NCK1: variants seen among roughly 807,000 people sequenced by gnomAD.
NCK1 encodes SH2/SH3 adapter protein NCK1.
In NCK1, 19 loss-of-function variants were observed where a neutral mutation model predicts 36.6. That is an observed-to-expected ratio of 0.52 (90% CI 0.36 to 0.76). NCK1 has a LOEUF of 0.76. NCK1 is among the 30% of genes least tolerant of loss of function. The pLI is 0.00. For missense variants in NCK1, 358 were observed against 445.6 expected, an observed-to-expected ratio of 0.80 and a Z score of 1.77; for synonymous variants, 165 against 156.0, an observed-to-expected ratio of 1.06 and a Z score of -0.43.
chr3:136,941,446 T>C (rs1440204731), intron 2 of NCK1, among the ~76,000 whole-genome samples: 2 of 152,156 alleles, frequency 1.3e-5, no homozygotes, highest in African/African-American at 4.8e-5. Context: ...CTCTAATATA[T>C]TGTTTTATTA....
At chr3:136,866,410 C>T (rs1016879559) in intron 1 of NCK1, among the ~76,000 whole-genome samples, 6 of 151,038 alleles carry the variant, frequency 4.0e-5, no homozygotes, top group Admixed American at 3.3e-4. Flanking sequence ...CGGGTTCAAG[C>T]GATTCTCCTA....
chr3:136,890,348 T>A (rs1939207668), intron 1 of NCK1, among the ~76,000 whole-genome samples: 1 of 151,950 alleles, frequency 6.6e-6, no homozygotes, highest in South Asian at 2.1e-4. Context: ...CCCGCCAGCG[T>A]TGCACGCAGC....
At chr3:136,930,444 C>G in intron 2 of NCK1, 2 of 1,242,590 alleles carry the variant, frequency 1.6e-6, no homozygotes, top group South Asian at 7.3e-5. Flanking sequence ...GGGTGTGGGC[C>G]AGGTCACATG....
rs760172881 is a variant in NCK1, at chr3:136,928,160, T to C, written c.159T>C (p.Ser53=). 6.2e-7 allele frequency: 1 copy of C among 1,614,224 alleles called. No homozygotes were observed. Among genetic ancestry groups the C allele is most frequent in the Non-Finnish European group, 8.5e-7 (1 of 1,180,042 alleles). ...TGAATAAAACAGGTTTTGTGCCTTC[T>C]AACTATGTGGAAAGGAAAAACAGTG... ...NSMNKTGFVP[S]NYVERKNSAR... is the part of the protein sequence containing the mutation. Residue 53 remains serine (S), a synonymous_variant, in exon 2 of 4, where the codon TCT becomes TCC. Coordinates refer to ENST00000481752, the MANE Select transcript of NCK1 (RefSeq NM_001291999.2).
At chr3:136,891,020 G>A (rs1560037411) in intron 1 of NCK1, among the ~76,000 whole-genome samples, 1 of 152,230 alleles carries the variant, frequency 6.6e-6, no homozygotes, top group Non-Finnish European at 1.5e-5. Flanking sequence ...ATTTCACTGA[G>A]TATAGTGTCT....
chr3:136,879,177 G>C (rs1938861191), intron 1 of NCK1, among the ~76,000 whole-genome samples: 2 of 150,292 alleles, frequency 1.3e-5, no homozygotes, highest in African/African-American at 4.9e-5. Context: ...GTTGAAGTTA[G>C]AGTAAAGGAG....
At chr3:136,899,703 A>C (rs894878598) in intron 1 of NCK1, 2 of 788,344 alleles carry the variant, frequency 2.5e-6, no homozygotes, top group Admixed American at 3.5e-5. Context: ...GCAATTAGAG[A>C]TACGAGGAGA....
chr3:136,947,249 T>A (rs1940854265), intron 3 of NCK1, among the ~76,000 whole-genome samples: 2 of 152,070 alleles, frequency 1.3e-5, no homozygotes, highest in African/African-American at 4.8e-5. Flanking sequence ...TTCTGTTAGT[T>A]GCCTGATCTG....
chr3:136,889,774 T>C (rs1200246630), intron 1 of NCK1, among the ~76,000 whole-genome samples: 3 of 152,166 alleles, frequency 2.0e-5, no homozygotes. Flanking sequence ...CTACGGAGTG[T>C]CGATTGGTGC....
chr3:136,950,084 A>G lies in NCK1; in HGVS notation c.*1631A>G, dbSNP rs1012956534. Among the ~76,000 whole-genome samples the G allele has an allele frequency of 5.9e-5, 9 of 152,144 alleles. No homozygotes were observed. The highest frequency in any genetic ancestry group is 1.2e-4 in the Non-Finnish European group (8 of 67,970). On this transcript the variant is annotated 3_prime_UTR_variant, in exon 4 of 4. Coordinates refer to ENST00000481752, the MANE Select transcript of NCK1 (RefSeq NM_001291999.2). The stretch of plus-strand genomic sequence containing the variant: ...AGTAGTTAAGTTTTTAATGGAAATA[A>G]AAATCATGTATGCTTATCTTTGCTG...
intron 1 of NCK1, among the ~76,000 whole-genome samples, chr3:136,915,685 A>G (rs1939946271): frequency 6.6e-6 from 1 of 152,048 alleles, no homozygotes; most frequent in Admixed American, 6.6e-5. Flanking sequence ...TGGCCAGAGC[A>G]GAAGGAAGAG....
In NCK1 at chr3:136,928,047, C is replaced by T; in HGVS notation, c.46C>T (p.Gln16Ter). ...AGTAGCCAAATTTGATTATGTGGCC[C>T]AACAAGAACAAGAGTTGGACATCAA... is the stretch of plus-strand genomic sequence containing the variant. ...VVVAKFDYVA[Q>*]QEQELDIKKN... Residue 16 changes from glutamine to a stop codon, truncating the protein, a stop_gained, in exon 2 of 4, where the codon CAA (glutamine) becomes TAA (stop). Transcript: ENST00000481752. LOFTEE classifies it high-confidence loss of function. The T allele has an allele frequency of 6.2e-7, 1 of 1,614,000 alleles. No homozygotes were observed. The highest frequency in any genetic ancestry group is 8.5e-7 in the Non-Finnish European group (1 of 1,180,014).
intron 1 of NCK1, among the ~76,000 whole-genome samples, chr3:136,867,188 CTTTT>C (rs1381798972): frequency 4.8e-5 from 3 of 62,308 alleles, no homozygotes; most frequent in Admixed American, 5.5e-4. Flanking sequence ...TTCTTTCTTT[CTTTT>C]CTTTCTTTTC....
At chr3:136,890,706 A>G (rs915931022) in intron 1 of NCK1, among the ~76,000 whole-genome samples, 1 of 152,212 alleles carries the variant, frequency 6.6e-6, no homozygotes, top group African/African-American at 2.4e-5. Context: ...ATTCATGTAC[A>G]TGTTTTTAAA....
At chr3:136,944,567 GTGTGT>G (rs1940762808) in intron 2 of NCK1, among the ~76,000 whole-genome samples, 1 of 152,208 alleles carries the variant, frequency 6.6e-6, no homozygotes, top group African/African-American at 2.4e-5. Flanking sequence ...AAAGATATGA[GTGTGT>G]TTTTAGACAA....
intron 2 of NCK1, among the ~76,000 whole-genome samples, chr3:136,941,761 A>C (rs1940683830): frequency 6.6e-6 from 1 of 151,874 alleles, no homozygotes; most frequent in Admixed American, 6.6e-5. Flanking sequence ...TTATGTAGCT[A>C]CCTTTACCAT....
At chr3:136,899,882 G>A in intron 1 of NCK1, 4 of 1,168,202 alleles carry the variant, frequency 3.4e-6, no homozygotes, top group South Asian at 1.3e-5. Context: ...TTTTTTTAGG[G>A]GTTTTCTCTT....
intron 1 of NCK1, chr3:136,899,217 G>T: frequency 4.0e-6 from 1 of 252,596 alleles, no homozygotes; most frequent in South Asian, 5.5e-5. Flanking sequence ...GAACCATTTA[G>T]GTCTCTTGCT....
intron 2 of NCK1, among the ~76,000 whole-genome samples, chr3:136,929,383 C>T (rs1940334974): frequency 6.6e-6 from 1 of 152,060 alleles, no homozygotes; most frequent in South Asian, 2.1e-4. Context: ...AGTGGATTAT[C>T]AGTTTCTGAG....
Sources: gnomAD v4.1 joint callset for allele counts (sites outside exome capture counted in the v4.1 genomes callset) on GRCh38, gnomAD v4.1.1 for gene constraint, MANE v1.5 for transcripts, NCBI Gene and HGNC (gene_info 2026-07-23, HGNC 2026-07-21) for gene names.